RAB3C: variants seen among roughly 807,000 people sequenced by gnomAD.
RAB3C encodes RAB3C, member RAS oncogene family, also known as ras-related protein Rab-3C.
A neutral mutation model predicts 26.4 loss-of-function variants in RAB3C; 17 were observed. The observed-to-expected ratio is 0.64, with a 90% CI of 0.44 to 0.97. The LOEUF (loss-of-function observed/expected upper bound fraction) is 0.97, where lower values mean the gene tolerates loss of function less well. Among genes scored for constraint, RAB3C ranks in the 50% least tolerant of loss-of-function variants. The pLI is 0.00. For missense variants in RAB3C, 242 were observed against 281.9 expected, an observed-to-expected ratio of 0.86 and a Z score of 1.01; for synonymous variants, 91 against 95.9, an observed-to-expected ratio of 0.95 and a Z score of 0.30.
At chr5:58,825,913 G>A (rs549278157) in intron 4 of RAB3C, among the ~76,000 whole-genome samples, 3 of 152,252 alleles carry the variant, frequency 2.0e-5, no homozygotes, top group East Asian at 3.9e-4. Flanking sequence ...ACATCATGGG[G>A]TATACAAAAA....
intron 2 of RAB3C, among the ~76,000 whole-genome samples, chr5:58,668,307 G>T (rs939382415): frequency 6.6e-6 from 1 of 152,162 alleles, no homozygotes; most frequent in Non-Finnish European, 1.5e-5. Flanking sequence ...AGCTTGCAAA[G>T]AAATGGTTCA....
At chr5:58,655,584 C>A (rs575020139) in intron 2 of RAB3C, among the ~76,000 whole-genome samples, 8 of 151,974 alleles carry the variant, frequency 5.3e-5, no homozygotes, top group Non-Finnish European at 1.0e-4. Context: ...AACAAGCCAT[C>A]TTAATTAACA....
intron 3 of RAB3C, among the ~76,000 whole-genome samples, chr5:58,740,946 T>C (rs1178014069): frequency 1.3e-5 from 2 of 152,180 alleles, no homozygotes; most frequent in Admixed American, 6.5e-5. Flanking sequence ...AGCTGCAAAT[T>C]TGGGAGTCCT....
intron 3 of RAB3C, among the ~76,000 whole-genome samples, chr5:58,780,816 G>A (rs1742254247): frequency 6.6e-6 from 1 of 152,024 alleles, no homozygotes; most frequent in African/African-American, 2.4e-5. Context: ...TCCTTTGAAG[G>A]AAGTATGGCT....
intron 1 of RAB3C, among the ~76,000 whole-genome samples, chr5:58,583,554 T>C (rs532159301): frequency 1.3e-5 from 2 of 152,300 alleles, no homozygotes; most frequent in South Asian, 4.1e-4. Context: ...ATCTCCTCTC[T>C]TGGCATCCGG....
rs1173604247 is a variant in RAB3C at position 58,745,392 on chromosome 5, C to CAAAAAAAAAA, written c.371+19290_371+19299dup. 2.0e-3 allele frequency among the ~76,000 whole-genome samples: 67 copies of CAAAAAAAAAA among 33,110 alleles called. 2 individuals are homozygous for CAAAAAAAAAA. Among genetic ancestry groups the CAAAAAAAAAA allele is most frequent in the African/African-American group, 5.9e-3 (63 of 10,760 alleles). The allele number at this position is 33,110 out of a possible 152,430, so 21.7% of individuals were successfully genotyped here. A position where few individuals can be genotyped will look rare whatever the true frequency, so the allele number is the denominator to read the frequency against. ...GCCTGGGCTGAGCGAGACTCTGCTTCAAAAAAAAAAAAAAAAAAAAAAAAA... is the reference window on the plus strand; with the variant it reads ...GCCTGGGCTGAGCGAGACTCTGCTTCAAAAAAAAAAAAAAAAAAAAAAAAAAAAAAAAAAA... On this transcript the variant is annotated intron_variant, in intron 3 of 4. Coordinates refer to ENST00000282878, the MANE Select transcript of RAB3C (RefSeq NM_138453.4).
chr5:58,855,448 G>A lies in RAB3C; in HGVS notation c.*4097G>A, dbSNP rs1450154371. On this transcript the variant is annotated 3_prime_UTR_variant, in exon 5 of 5. Transcript: ENST00000282878. ...ATTACAGTTTGCATGACTAGAACCC[G>A]GAACTCTGTTCCTTTGCGTGTATAG... 1.3e-5 allele frequency: 2 copies of A among 152,142 alleles called. No homozygotes were observed. The highest frequency in any genetic ancestry group is 6.5e-5 in the Admixed American group (1 of 15,276). The allele number at this position is 152,142 out of a possible 1,614,324, so 9.4% of individuals were successfully genotyped here.
intron 3 of RAB3C, chr5:58,822,366 C>A (rs1454408378): frequency 6.6e-6 from 1 of 152,564 alleles, no homozygotes; most frequent in Non-Finnish European, 1.5e-5. Flanking sequence ...ATAATATTCT[C>A]CTTAAGTTAT....
At chr5:58,655,865 G>A (rs1452151684) in intron 2 of RAB3C, among the ~76,000 whole-genome samples, 1 of 136,828 alleles carries the variant, frequency 7.3e-6, no homozygotes, top group Non-Finnish European at 1.5e-5. Flanking sequence ...ACGCAGTCTC[G>A]GCTCACTGCA....
At chr5:58,714,157 T>G (rs113314899) in intron 2 of RAB3C, among the ~76,000 whole-genome samples, 211 of 152,204 alleles carry the variant, frequency 1.4e-3, no homozygotes, top group Middle Eastern at 6.8e-3. Context: ...TCCTAGCCAA[T>G]AGGAAGACAT....
chr5:58,832,175 G>A (rs907057803), intron 4 of RAB3C, among the ~76,000 whole-genome samples: 6 of 152,160 alleles, frequency 3.9e-5, no homozygotes, highest in African/African-American at 1.2e-4. Context: ...CCCTAGTCTA[G>A]TCCCCATGTG....
chr5:58,781,206 G>T (rs1429595758), intron 3 of RAB3C, among the ~76,000 whole-genome samples: 1 of 152,052 alleles, frequency 6.6e-6, no homozygotes, highest in Non-Finnish European at 1.5e-5. Context: ...TGTCCCACCT[G>T]ACTCCACACA....
intron 2 of RAB3C, among the ~76,000 whole-genome samples, chr5:58,693,720 A>G (rs762907377): frequency 6.6e-6 from 1 of 152,126 alleles, no homozygotes; most frequent in Non-Finnish European, 1.5e-5. Context: ...TCATATACAT[A>G]TGTCTCTGTA....
intron 2 of RAB3C, among the ~76,000 whole-genome samples, chr5:58,636,867 T>G (rs1029042756): frequency 4.6e-5 from 7 of 152,210 alleles, no homozygotes; most frequent in Non-Finnish European, 1.0e-4. Context: ...ATATGTGTCC[T>G]TAAAGTTCCT....
At chr5:58,624,885 C>CA (rs1199531791) in intron 2 of RAB3C, among the ~76,000 whole-genome samples, 1 of 151,632 alleles carries the variant, frequency 6.6e-6, no homozygotes. Flanking sequence ...GAAAAAAAAA[C>CA]AAACAAAAAA....
At chr5:58,846,869 T>A (rs909441844) in intron 4 of RAB3C, 4 of 151,976 alleles carry the variant, frequency 2.6e-5, no homozygotes, top group African/African-American at 4.8e-5. Context: ...ATAGCTAACA[T>A]GTTTTATCAA....
At chr5:58,683,637 A>G (rs940951793) in intron 2 of RAB3C, among the ~76,000 whole-genome samples, 1 of 152,208 alleles carries the variant, frequency 6.6e-6, no homozygotes, top group African/African-American at 2.4e-5. Flanking sequence ...AAAAAGTGTA[A>G]ATGGAAAATT....
chr5:58,609,490 T>G (rs1746648789), intron 1 of RAB3C, among the ~76,000 whole-genome samples: 1 of 152,130 alleles, frequency 6.6e-6, no homozygotes, highest in Non-Finnish European at 1.5e-5. Context: ...GGTGTGATAA[T>G]ACATGTAAAG....
chr5:58,808,067 T>C (rs749581106), intron 3 of RAB3C, among the ~76,000 whole-genome samples: 17 of 151,234 alleles, frequency 1.1e-4, no homozygotes, highest in Non-Finnish European at 2.4e-4. Flanking sequence ...CTACTAAAAA[T>C]ACAAAAAATT....
Sources: gnomAD v4.1 joint callset for allele counts (sites outside exome capture counted in the v4.1 genomes callset) on GRCh38, gnomAD v4.1.1 for gene constraint, MANE v1.5 for transcripts, NCBI Gene and HGNC (gene_info 2026-07-23, HGNC 2026-07-21) for gene names.